PRICKLE1: variants seen among roughly 807,000 people sequenced by gnomAD.
PRICKLE1 encodes the protein prickle planar cell polarity protein 1, also known as prickle-like protein 1.
PRICKLE1 carries 14 observed loss-of-function variants against 70.2 expected under a neutral mutation model. The observed-to-expected ratio is 0.20, with a 90% CI of 0.13 to 0.31. PRICKLE1 has a LOEUF of 0.31. Ranked by LOEUF, PRICKLE1 falls within the 10% of genes least tolerant of loss-of-function variation. The pLI, the probability that PRICKLE1 is intolerant of heterozygous loss-of-function variation, is 1.00. For missense variants in PRICKLE1, 821 were observed against 1,026.2 expected (o/e 0.80, Z 2.73); for synonymous variants, 357 against 379.9 (o/e 0.94, Z 0.70).
intron 1 of PRICKLE1, among the ~76,000 whole-genome samples, chr12:42,473,852 C>T (rs986852482): frequency 7.9e-5 from 12 of 151,524 alleles, no homozygotes; most frequent in Non-Finnish European, 1.5e-4. Flanking sequence ...AAAAAGTTCT[C>T]ATTTGCTTAA....
chr12:42,586,745 A>G (rs1270420408), intron 1 of PRICKLE1, among the ~76,000 whole-genome samples: 1 of 152,238 alleles, frequency 6.6e-6, no homozygotes, highest in African/African-American at 2.4e-5. Flanking sequence ...ACAATCACTC[A>G]TAATACTTAA....
intron 1 of PRICKLE1, among the ~76,000 whole-genome samples, chr12:42,531,041 G>T (rs1420042771): frequency 6.6e-5 from 8 of 121,410 alleles, no homozygotes; most frequent in Admixed American, 2.8e-4. Flanking sequence ...AGATGTTAAG[G>T]GCTTTTTTTT....
intron 1 of PRICKLE1, among the ~76,000 whole-genome samples, chr12:42,485,665 G>A (rs1156914225): frequency 1.3e-5 from 2 of 152,122 alleles, no homozygotes; most frequent in Admixed American, 6.6e-5. Context: ...ATGATAAAGG[G>A]AGTATCAGCA....
intron 1 of PRICKLE1, among the ~76,000 whole-genome samples, chr12:42,520,318 AC>A (rs1169629469): frequency 6.6e-6 from 1 of 152,208 alleles, no homozygotes; most frequent in Non-Finnish European, 1.5e-5. Context: ...AAGATGTAAG[AC>A]CGTGGTGGTC....
chr12:42,489,010 G>A (rs1381820507), intron 1 of PRICKLE1, among the ~76,000 whole-genome samples: 6 of 145,736 alleles, frequency 4.1e-5, no homozygotes, highest in African/African-American at 1.3e-4. Flanking sequence ...CACAACCTCC[G>A]CCTCCCAGGT....
intron 7 of PRICKLE1, among the ~76,000 whole-genome samples, chr12:42,462,628 C>T (rs1400400634): frequency 2.0e-5 from 3 of 152,174 alleles, no homozygotes; most frequent in African/African-American, 7.2e-5. Flanking sequence ...TTATCTTTGA[C>T]AAGTCCACAG....
chr12:42,548,171 C>T (rs541864801), intron 1 of PRICKLE1, among the ~76,000 whole-genome samples: 1 of 151,926 alleles, frequency 6.6e-6, no homozygotes, highest in African/African-American at 2.4e-5. Flanking sequence ...CAGGAGTGAG[C>T]CACTGCGCTC....
chr12:42,540,706 G>A (rs1174689015), intron 1 of PRICKLE1, among the ~76,000 whole-genome samples: 2 of 152,034 alleles, frequency 1.3e-5, no homozygotes, highest in Non-Finnish European at 2.9e-5. Flanking sequence ...GAGAATACAG[G>A]TATGCACCAC....
chr12:42,548,087 T>C (rs932261473), intron 1 of PRICKLE1, among the ~76,000 whole-genome samples: 8 of 152,172 alleles, frequency 5.3e-5, no homozygotes, highest in Non-Finnish European at 1.0e-4. Context: ...GGTCTCACTA[T>C]GTTGCTCACA....
At chr12:42,531,601 A>G (rs2600934) in intron 1 of PRICKLE1, among the ~76,000 whole-genome samples, 6,202 of 152,304 alleles carry the variant, frequency 0.041, 182 homozygotes, top group South Asian at 0.086. Flanking sequence ...TTCAGGAGAA[A>G]GGATAACATT....
chr12:42,501,660 CT>C (rs1274009349), intron 1 of PRICKLE1, among the ~76,000 whole-genome samples: 9 of 151,880 alleles, frequency 5.9e-5, no homozygotes, highest in Middle Eastern at 3.4e-3. Context: ...CATGAAGTGG[CT>C]TTTTTTTCCC....
chr12:42,521,929 GGT>G (rs72169209), intron 1 of PRICKLE1, among the ~76,000 whole-genome samples: 3,962 of 139,774 alleles, frequency 0.028, 75 homozygotes, highest in East Asian at 0.075. Flanking sequence ...GTTTGTTTTT[GGT>G]GTGTGTGTGT....
intron 1 of PRICKLE1, among the ~76,000 whole-genome samples, chr12:42,527,274 AG>A (rs1939821890): frequency 6.6e-6 from 1 of 151,768 alleles, no homozygotes; most frequent in Non-Finnish European, 1.5e-5. Flanking sequence ...CTGGGACTAC[AG>A]GTGCGCTCCA....
At chr12:42,532,382 A>G (rs1308442341) in intron 1 of PRICKLE1, among the ~76,000 whole-genome samples, 1 of 152,216 alleles carries the variant, frequency 6.6e-6, no homozygotes, top group African/African-American at 2.4e-5. Flanking sequence ...ATAATAGAAA[A>G]TTATGCAGCT....
chr12:42,461,638 C>T (rs1937840379), intron 7 of PRICKLE1, among the ~76,000 whole-genome samples: 1 of 152,190 alleles, frequency 6.6e-6, no homozygotes, highest in Non-Finnish European at 1.5e-5. Flanking sequence ...TTTCTGCCTT[C>T]AACGTGTAAA....
intron 1 of PRICKLE1, among the ~76,000 whole-genome samples, chr12:42,529,164 C>T (rs893514020): frequency 6.6e-6 from 1 of 152,108 alleles, no homozygotes; most frequent in Non-Finnish European, 1.5e-5. Context: ...AATACCTAGT[C>T]CTTCAAAACT....
At chr12:42,512,818 C>T (rs1329931748) in intron 1 of PRICKLE1, among the ~76,000 whole-genome samples, 4 of 151,974 alleles carry the variant, frequency 2.6e-5, no homozygotes, top group East Asian at 1.9e-4. Flanking sequence ...CCACCACGTT[C>T]GGCTGATTTT....
intron 1 of PRICKLE1, among the ~76,000 whole-genome samples, chr12:42,588,980 T>C (rs1033006759): frequency 4.0e-5 from 6 of 150,528 alleles, no homozygotes; most frequent in African/African-American, 1.5e-4. Flanking sequence ...TTGGGGAGAG[T>C]GGTGGGAGTT....
intron 1 of PRICKLE1, among the ~76,000 whole-genome samples, chr12:42,578,152 ACTT>A (rs1217990197): frequency 6.6e-5 from 10 of 152,344 alleles, no homozygotes; most frequent in East Asian, 5.8e-4. Flanking sequence ...AGTTGGCTCA[ACTT>A]CTTAATAGGA....
Sources: allele counts gnomAD v4.1 joint callset (sites outside exome capture counted in the v4.1 genomes callset), GRCh38; gene constraint gnomAD v4.1.1; transcripts MANE v1.5; gene names NCBI Gene and HGNC (gene_info 2026-07-23, HGNC 2026-07-21).